MED13L: variants seen among roughly 807,000 people sequenced by gnomAD.
The protein encoded by MED13L is mediator of RNA polymerase II transcription subunit 13-like.
In MED13L, 7 loss-of-function variants were observed where a neutral mutation model predicts 220.9. The ratio of observed to expected loss-of-function variants is 0.03; its 90% CI spans 0.02 to 0.06. The LOEUF is 0.06. Ranked by LOEUF, MED13L falls within the 10% of genes least tolerant of loss-of-function variation. The probability of loss-of-function intolerance (pLI) is 1.00; values close to 1 mark genes in which losing one functional copy is unlikely to be tolerated. For missense variants in MED13L, 1,965 were observed against 2,760.5 expected (o/e 0.71, Z 6.46); for synonymous variants, 1,011 against 1,015.2 (o/e 1.00, Z 0.08).
At chr12:116,237,967 T>C (rs1258442922) in intron 1 of MED13L, among the ~76,000 whole-genome samples, 1 of 152,196 alleles carries the variant, frequency 6.6e-6, no homozygotes, top group Non-Finnish European at 1.5e-5. Context: ...TGTTGAATAA[T>C]TTAATTTGTC....
intron 2 of MED13L, among the ~76,000 whole-genome samples, chr12:116,177,061 C>T (rs1472313213): frequency 2.0e-5 from 3 of 152,010 alleles, no homozygotes; most frequent in East Asian, 3.9e-4. Context: ...CAAAAACACA[C>T]ATACAAAAAA....
intron 4 of MED13L, among the ~76,000 whole-genome samples, chr12:116,096,376 A>AAAAAAAAAAAAAAAAAAAAAAAAAAAAAT (rs1872643475): frequency 6.8e-6 from 1 of 147,638 alleles, no homozygotes; most frequent in Non-Finnish European, 1.5e-5. Context: ...AAAAAAAAAA[A>AAAAAAAAAAAAAAAAAAAAAAAAAAAAAT]AAAAAGTCAA....
At chr12:116,127,775 A>C (rs752799942) in intron 2 of MED13L, among the ~76,000 whole-genome samples, 1 of 152,150 alleles carries the variant, frequency 6.6e-6, no homozygotes, top group Non-Finnish European at 1.5e-5. Context: ...ATGAGAGCCA[A>C]AGTAATCTTT....
intron 2 of MED13L, among the ~76,000 whole-genome samples, chr12:116,201,919 G>A (rs888301222): frequency 1.3e-5 from 2 of 152,158 alleles, no homozygotes; most frequent in African/African-American, 4.8e-5. Context: ...CTCCATGAAA[G>A]TCTTTTTATG....
At chr12:116,017,524 A>C (rs1233169767) in intron 7 of MED13L, among the ~76,000 whole-genome samples, 2 of 152,232 alleles carry the variant, frequency 1.3e-5, no homozygotes, top group Non-Finnish European at 2.9e-5. Context: ...AAGACTATGA[A>C]AGTTCTTTTT....
At chr12:116,137,627 AG>A (rs766175193) in intron 2 of MED13L, among the ~76,000 whole-genome samples, 6 of 152,112 alleles carry the variant, frequency 3.9e-5, no homozygotes, top group Admixed American at 3.3e-4. Context: ...TTAAAATCCC[AG>A]GGAAACAGGC....
intron 2 of MED13L, among the ~76,000 whole-genome samples, chr12:116,135,416 A>G (rs1291955913): frequency 1.3e-5 from 2 of 152,168 alleles, no homozygotes; most frequent in African/African-American, 4.8e-5. Flanking sequence ...TGTGAATAAA[A>G]AGGCCTCCAG....
rs768831039 is a variant in MED13L at position 115,965,948 on chromosome 12, G to C, written c.6387+134C>G. The stretch of plus-strand genomic sequence containing the variant: ...TACAACTGTAATTAAAATTTCCTCA[G>C]AGTATAAGTAGATACAAGAGAAAAA... On this transcript the variant is annotated intron_variant, in intron 29 of 30. Transcript: ENST00000281928. 2.8e-4 allele frequency: 321 copies of C among 1,132,508 alleles called. 1 individual carries two copies. The highest frequency in any genetic ancestry group is 3.9e-4 in the South Asian group (28 of 72,418). 70.2% of individuals were successfully genotyped at this position (1,132,508 alleles called of 1,614,324 possible). A position where few individuals can be genotyped will look rare whatever the true frequency, so the allele number is the denominator to read the frequency against.
At chr12:115,987,988 A>AT (rs1233461415) in intron 17 of MED13L, among the ~76,000 whole-genome samples, 4 of 152,040 alleles carry the variant, frequency 2.6e-5, no homozygotes, top group Admixed American at 2.0e-4. Flanking sequence ...GGACATACGT[A>AT]TTTTTTTCTC....
In MED13L at chr12:115,983,648, T is replaced by C. The variant is rs2137276131; in HGVS notation, c.4532-108A>G. 4.2e-6 allele frequency: 5 copies of C among 1,178,800 alleles called. No homozygotes were observed. In the East Asian group the frequency reaches 1.3e-4, roughly 30 times the overall value. 73.0% of individuals were successfully genotyped at this position (1,178,800 alleles called of 1,614,324 possible). On this transcript the variant is annotated intron_variant, in intron 20 of 30. Transcript: ENST00000281928. ...AAAACATTATGCTTTCAGGCTGCAA[T>C]ACTCTGATTACAATACCCAAAATAC...
At chr12:116,201,930 G>A (rs191724625) in intron 2 of MED13L, among the ~76,000 whole-genome samples, 68 of 152,232 alleles carry the variant, frequency 4.5e-4, no homozygotes, top group African/African-American at 1.6e-3. Flanking sequence ...TCTTTTTATG[G>A]CATTAAAGAA....
intron 2 of MED13L, among the ~76,000 whole-genome samples, chr12:116,136,428 A>C (rs1405401429): frequency 6.6e-6 from 1 of 152,176 alleles, no homozygotes; most frequent in East Asian, 1.9e-4. Context: ...ACACAGACCA[A>C]AAAATAAGTG....
At position 116,008,823 on chromosome 12, in the gene MED13L, G is replaced by A. The variant is rs114269768; in HGVS notation, c.1590C>T (p.Ala530=). Reference sequence around the variant, plus strand: ...GCTTGCTTGTATTTCTGGAAGGCACGGCCATTTGCTTATCATATTTCCTAC... The same window carrying A: ...GCTTGCTTGTATTTCTGGAAGGCACAGCCATTTGCTTATCATATTTCCTAC... ...SSSRKYDKQM[A]VPSRNTSKQM... Residue 530 remains alanine (A), a synonymous_variant, in exon 10 of 31, where the codon GCC becomes GCT. Transcript: ENST00000281928. 1.1e-3 allele frequency: 1,725 copies of A among 1,613,912 alleles called. 14 individuals carry two copies. The African/African-American group carries it at 0.021, about 20-fold the overall frequency.
At chr12:116,208,574 T>G (rs1882501182) in intron 2 of MED13L, among the ~76,000 whole-genome samples, 1 of 152,240 alleles carries the variant, frequency 6.6e-6, no homozygotes, top group Non-Finnish European at 1.5e-5. Flanking sequence ...TCAAATGCTA[T>G]TTAAATCACA....
At chr12:116,256,020 TG>T (rs1369545679) in intron 1 of MED13L, among the ~76,000 whole-genome samples, 3 of 152,104 alleles carry the variant, frequency 2.0e-5, no homozygotes, top group African/African-American at 7.2e-5. Context: ...ATTCACAACA[TG>T]TACTACACGC....
chr12:116,004,950 T>C (rs1016438701), intron 13 of MED13L, among the ~76,000 whole-genome samples: 1 of 152,246 alleles, frequency 6.6e-6, no homozygotes, highest in Non-Finnish European at 1.5e-5. Context: ...AGGTCTATTA[T>C]TGTACTCACA....
In MED13L at chr12:116,007,645, CAAAAAAAAAAA is replaced by C. The variant is rs542425590; in HGVS notation, c.2013-20_2013-10del. On this transcript the variant is annotated splice_polypyrimidine_tract_variant and intron_variant, in intron 10 of 30. Coordinates refer to ENST00000281928, the MANE Select transcript of MED13L (RefSeq NM_015335.5). The stretch of plus-strand genomic sequence containing the variant: ...TAGGTTGTGCTAAGAGTCTAAAAGA[CAAAAAAAAAAA>C]AAAAAAAAAGAGCATTTATGCCTTA... The C allele has an allele frequency of 4.1e-5, 31 of 759,928 alleles. 2 individuals are homozygous for C. The highest frequency in any genetic ancestry group is 5.4e-5 in the African/African-American group (2 of 37,346). The allele number at this position is 759,928 out of a possible 1,614,324, so 47.1% of individuals were successfully genotyped here.
intron 17 of MED13L, 56 bp from the exon 18 acceptor site, chr12:115,987,344 C>T: frequency 6.6e-7 from 1 of 1,505,190 alleles, no homozygotes; most frequent in Non-Finnish European, 9.1e-7. Flanking sequence ...CCCTCCTCTT[C>T]CTCACCATCA....
intron 4 of MED13L, among the ~76,000 whole-genome samples, chr12:116,069,619 TATA>T (rs1158522707): frequency 6.6e-6 from 1 of 152,210 alleles, no homozygotes; most frequent in Non-Finnish European, 1.5e-5. Flanking sequence ...TAGTATTTGA[TATA>T]TTTACCATGA....
Sources: allele counts gnomAD v4.1 joint callset (sites outside exome capture counted in the v4.1 genomes callset), GRCh38; gene constraint gnomAD v4.1.1; transcripts MANE v1.5; gene names NCBI Gene and HGNC (gene_info 2026-07-23, HGNC 2026-07-21).